Variants in GRM7 observed in about 807,000 individuals in gnomAD.
GRM7 encodes the protein metabotropic glutamate receptor 7.
Under a neutral mutation model 84.5 loss-of-function variants are expected in GRM7, and 35 were observed. The ratio of observed to expected loss-of-function variants is 0.41; its 90% CI spans 0.32 to 0.55. The LOEUF is 0.55. Ranked by LOEUF, GRM7 falls within the 20% of genes least tolerant of loss-of-function variation. GRM7 has a pLI of 0.19. For synonymous variants in GRM7, 487 were observed against 455.1 expected (o/e 1.07, Z -0.89); for missense variants, 1,003 against 1,194.6 (o/e 0.84, Z 2.36).
At chr3:7,016,412 A>G (rs910518207) in intron 1 of GRM7, among the ~76,000 whole-genome samples, 8 of 152,066 alleles carry the variant, frequency 5.3e-5, no homozygotes, top group Non-Finnish European at 7.4e-5. Flanking sequence ...ATAGCTAGAG[A>G]GGTGATGTAG....
intron 1 of GRM7, among the ~76,000 whole-genome samples, chr3:7,068,192 G>T (rs370325786): frequency 6.6e-6 from 1 of 151,966 alleles, no homozygotes; most frequent in African/African-American, 2.4e-5. Context: ...TAGAATAAAT[G>T]TAACATGTAC....
At chr3:7,591,304 T>C (rs1287067931) in intron 8 of GRM7, among the ~76,000 whole-genome samples, 1 of 152,186 alleles carries the variant, frequency 6.6e-6, no homozygotes, top group African/African-American at 2.4e-5. Flanking sequence ...TGAATGAATA[T>C]ATTAAAATGT....
chr3:7,515,735 T>C lies in GRM7; in HGVS notation c.1515+54013T>C, dbSNP rs142702806. Among the ~76,000 whole-genome samples the C allele has an allele frequency of 6.4e-3, 972 of 152,248 alleles. 10 individuals are homozygous for C. The highest frequency in any genetic ancestry group is 0.022 in the African/African-American group (918 of 41,546). On this transcript the variant is annotated intron_variant, in intron 7 of 9. Transcript: ENST00000357716. ...CAACTAAGGTTAGATTCTCAGACTT[T>C]AGAACGCCATAATCTCAGGCTGGCT...
rs186011772 is a variant in GRM7 at position 6,984,598 on chromosome 3, C to T, written c.519+122691C>T. ...CACCTTTTTTTCTCTACCCTGTGAA[C>T]ATTGTAGAGTTTATCTGAACATGAC... On this transcript the variant is annotated intron_variant, in intron 1 of 9. Coordinates refer to ENST00000357716, the MANE Select transcript of GRM7 (RefSeq NM_000844.4). Among the ~76,000 whole-genome samples, 23 of 152,086 alleles carry T rather than the reference C, an allele frequency of 1.5e-4. 1 individual carries two copies. The highest frequency in any genetic ancestry group is 9.2e-4 in the Admixed American group (14 of 15,264).
chr3:7,128,875 T>A (rs528473764), intron 1 of GRM7, among the ~76,000 whole-genome samples: 1 of 152,042 alleles, frequency 6.6e-6, no homozygotes, highest in African/African-American at 2.4e-5. Context: ...GGAGAAACAT[T>A]ATGGCAGAAA....
At position 7,361,890 on chromosome 3, in the gene GRM7, C is replaced by G. The variant is rs548016251; in HGVS notation, c.1034-53133C>G. 2.7e-4 allele frequency among the ~76,000 whole-genome samples: 41 copies of G among 152,196 alleles called. 1 individual carries two copies. Among genetic ancestry groups the G allele is most frequent in the Non-Finnish European group, 5.1e-4 (35 of 67,988 alleles). On this transcript the variant is annotated intron_variant, in intron 4 of 9. Transcript: ENST00000357716. The stretch of plus-strand genomic sequence containing the variant: ...TAGATAGCTATTACTTATGTGCAGT[C>G]TTAGAAATGTACAATTAATTCAAGA...
chr3:7,229,757 A>ATTTT (rs1302605868), intron 2 of GRM7, among the ~76,000 whole-genome samples: 1 of 26,872 alleles, frequency 3.7e-5, no homozygotes, highest in African/African-American at 1.4e-4. Flanking sequence ...ATATATATAT[A>ATTTT]TATTTTTTTT....
chr3:7,589,801 A>C (rs1011754021), intron 8 of GRM7, among the ~76,000 whole-genome samples: 1 of 152,230 alleles, frequency 6.6e-6, no homozygotes, highest in East Asian at 1.9e-4. Context: ...TAGCTGATGC[A>C]GAAGCACCAG....
chr3:7,560,390 T>G (rs1143740), intron 7 of GRM7: 1 of 151,860 alleles, frequency 6.6e-6, no homozygotes, highest in African/African-American at 2.4e-5. Flanking sequence ...CCCAAAGGCA[T>G]GTGTGATAGT....
chr3:7,457,629 A>G (rs549512355), intron 6 of GRM7, among the ~76,000 whole-genome samples: 1 of 152,212 alleles, frequency 6.6e-6, no homozygotes, highest in African/African-American at 2.4e-5. Context: ...GCTTTCCTTC[A>G]TCAAGAGGTG....
chr3:7,167,740 C>T (rs1004568558), intron 2 of GRM7, among the ~76,000 whole-genome samples: 3 of 151,794 alleles, frequency 2.0e-5, no homozygotes, highest in Admixed American at 6.6e-5. Context: ...GAGGCCGAGG[C>T]GGGCGGATCA....
chr3:7,064,485 C>CATATATATATATATATAT (rs1559415433), intron 1 of GRM7, among the ~76,000 whole-genome samples: 2 of 61,756 alleles, frequency 3.2e-5, no homozygotes, highest in Non-Finnish European at 6.4e-5. Context: ...TATATACACA[C>CATATATATATATATATAT]ATATACATAT....
chr3:7,634,341 C>A (rs1022210411), intron 8 of GRM7, among the ~76,000 whole-genome samples: 6 of 151,876 alleles, frequency 4.0e-5, no homozygotes, highest in African/African-American at 1.2e-4. Flanking sequence ...CAATTAGGAG[C>A]CTATTTCTTG....
chr3:7,491,595 C>G (rs1011969446), intron 7 of GRM7, among the ~76,000 whole-genome samples: 1 of 152,146 alleles, frequency 6.6e-6, no homozygotes, highest in African/African-American at 2.4e-5. Context: ...GGAGGTGGGC[C>G]TCTTAAACTC....
chr3:7,501,185 G>T (rs2124964743), intron 7 of GRM7, among the ~76,000 whole-genome samples: 1 of 152,208 alleles, frequency 6.6e-6, no homozygotes, highest in Non-Finnish European at 1.5e-5. Flanking sequence ...TCTAAAACAA[G>T]CCCATAAAGT....
At chr3:6,943,976 T>G (rs376451470) in intron 1 of GRM7, among the ~76,000 whole-genome samples, 2 of 152,152 alleles carry the variant, frequency 1.3e-5, no homozygotes, top group African/African-American at 4.8e-5. Flanking sequence ...TTTTCAATTC[T>G]TTATTTCTAG....
intron 2 of GRM7, among the ~76,000 whole-genome samples, chr3:7,238,337 A>G (rs1439405177): frequency 1.3e-5 from 2 of 152,232 alleles, no homozygotes; most frequent in East Asian, 3.9e-4. Context: ...CTTCTGCCAG[A>G]TCCTTACAGG....
intron 4 of GRM7, among the ~76,000 whole-genome samples, chr3:7,361,333 C>CA (rs1353376513): frequency 2.6e-5 from 4 of 151,896 alleles, no homozygotes; most frequent in East Asian, 3.9e-4. Context: ...CACCAGCCTG[C>CA]AAAAAAGAAC....
chr3:7,326,262 TATA>T (rs902099468), intron 4 of GRM7, among the ~76,000 whole-genome samples: 2 of 146,822 alleles, frequency 1.4e-5, no homozygotes, highest in African/African-American at 5.1e-5. Flanking sequence ...AAGTTCAAAT[TATA>T]ATTATTGAAT....
Sources: allele counts gnomAD v4.1 joint callset (sites outside exome capture counted in the v4.1 genomes callset), GRCh38; gene constraint gnomAD v4.1.1; transcripts MANE v1.5; gene names NCBI Gene and HGNC (gene_info 2026-07-23, HGNC 2026-07-21).